Variants in MFSD6L observed in about 807,000 individuals in gnomAD.
The protein encoded by MFSD6L is major facilitator superfamily domain-containing protein 6-like.
In MFSD6L, 9 loss-of-function variants were observed where a neutral mutation model predicts 6.4. That is an observed-to-expected ratio of 1.42 (90% CI 0.85 to 2.47). MFSD6L has a LOEUF of 2.47. MFSD6L is among the 30% of genes most tolerant of loss of function. The pLI, the probability that MFSD6L is intolerant of heterozygous loss-of-function variation, is 0.00. For missense variants in MFSD6L, 747 were observed against 730.6 expected, an observed-to-expected ratio of 1.02 and a Z score of -0.26; for synonymous variants, 336 against 322.4, an observed-to-expected ratio of 1.04 and a Z score of -0.45.
In MFSD6L at chr17:8,797,485, G is replaced by T. The variant is rs1306814110; in HGVS notation, c.1636C>A (p.Pro546Thr). Residue 546 changes from proline to threonine, a missense_variant, in exon 1 of 1, where the codon CCC becomes ACC. Coordinates refer to ENST00000329805, the MANE Select transcript of MFSD6L (RefSeq NM_152599.4). ...ALLLSIQRRLPRERKIKYSKL... is the reference protein window; with the variant it reads ...ALLLSIQRRLTRERKIKYSKL... ...GAGTACTTGATTTTCCGCTCTCGGG[G>T]CAGCCTCCGCTGTATGGACAGGAGC... is the stretch of plus-strand genomic sequence containing the variant. The T allele has an allele frequency of 1.9e-6, 3 of 1,614,078 alleles. No homozygotes were observed. Among genetic ancestry groups the T allele is most frequent in the Non-Finnish European group, 2.5e-6 (3 of 1,179,996 alleles).
At position 8,798,819 on chromosome 17, in the gene MFSD6L, T is replaced by A; in HGVS notation, c.302A>T (p.Asp101Val). 2 of 1,613,990 alleles carry A rather than the reference T, an allele frequency of 1.2e-6. No individual in the cohort carries two copies. The highest frequency in any genetic ancestry group is 1.7e-6 in the Non-Finnish European group (2 of 1,180,002). Residue 101 changes from aspartate (D) to valine (V), a missense_variant, in exon 1 of 1, where the codon GAC (aspartate) becomes GTC (valine). By Grantham distance (152) the Asp-to-Val change is radical. Transcript: ENST00000329805. ...ACAAGGGAAGTGCACCCGATTTTTG[T>A]CTACCGGTGGGACCAGGACCATCAG... ...SLLMVLVPPV[D>V]KNRVHFPCNG...
Position 8,798,297 on chromosome 17 carries a change from A to G in MFSD6L, c.824T>C (p.Leu275Pro). 1 of 1,607,904 alleles carries G rather than the reference A, an allele frequency of 6.2e-7. No homozygotes were observed. The highest frequency in any genetic ancestry group is 8.5e-7 in the Non-Finnish European group (1 of 1,179,992). The part of the protein sequence containing the change: ...QVADDSLYEF[L>P]DFVDATDRYR... ...TCGGTCAGTGGCATCCACAAAATCC[A>G]GGAACTCATAAAGGCTGTCATCTGC... Residue 275 changes from leucine to proline, a missense_variant, in exon 1 of 1, where the codon CTG (leucine) becomes CCG (proline). Coordinates refer to ENST00000329805, the MANE Select transcript of MFSD6L (RefSeq NM_152599.4).
At position 8,798,266 on chromosome 17, in the gene MFSD6L, T is replaced by TC; in HGVS notation, c.854dup (p.Ser286LysfsTer80). ...CCAGCAACCTCCAGACCCACAGGCTTCTGTATCGGTCAGTGGCATCCACAA... is the reference window on the plus strand; with the variant it reads ...CCAGCAACCTCCAGACCCACAGGCTTCCTGTATCGGTCAGTGGCATCCACAA... On this transcript the variant is annotated frameshift_variant, in exon 1 of 1. Transcript: ENST00000329805. LOFTEE classifies it low-confidence loss of function (END_TRUNC). The TC allele has an allele frequency of 1.2e-6, 2 of 1,608,344 alleles. No individual in the cohort carries two copies. Among genetic ancestry groups the TC allele is most frequent in the South Asian group, 2.2e-5 (2 of 91,080 alleles).
Position 8,797,826 on chromosome 17 carries a change from C to A in MFSD6L, c.1295G>T (p.Gly432Val), listed in dbSNP as rs781035690. 1 of 1,614,018 alleles carries A rather than the reference C, an allele frequency of 6.2e-7. No homozygotes were observed. The highest frequency in any genetic ancestry group is 2.2e-5 in the East Asian group (1 of 44,870). Residue 432 changes from glycine to valine, a missense_variant, in exon 1 of 1, where the codon GGC (glycine) becomes GTC (valine). Gly to Val is a moderately radical substitution (Grantham distance 109, BLOSUM62 -3). Coordinates refer to ENST00000329805, the MANE Select transcript of MFSD6L (RefSeq NM_152599.4). ...GCAGCTCAGCCCCAGCCCCACCAGG[C>A]CCGTCCTGGACAGTTTCCTAAGCAA... is the stretch of plus-strand genomic sequence containing the variant. ...ATLLRKLSRTGLVGLGLSCLA... is the reference protein window; with the variant it reads ...ATLLRKLSRTVLVGLGLSCLA...
Position 8,798,745 on chromosome 17 carries a change from G to A in MFSD6L, c.376C>T (p.Leu126=). The A allele has an allele frequency of 1.2e-6, 2 of 1,614,044 alleles. No homozygotes were observed. Among genetic ancestry groups the A allele is most frequent in the Non-Finnish European group, 1.7e-6 (2 of 1,180,036 alleles). Residue 126 remains leucine, a synonymous_variant, in exon 1 of 1, where the codon CTA becomes TTA. Transcript: ENST00000329805. ...TGGGCCGAGGTGATGTTCACAGGTA[G>A]CGTGACCCCCGGGAGTGCGTCTGTG... ...TSTDALPGVT[L]PVNITSAQES...
chr17:8,797,935 G>T lies in MFSD6L; in HGVS notation c.1186C>A (p.His396Asn). The T allele has an allele frequency of 1.2e-6, 2 of 1,613,956 alleles. No homozygotes were observed. Among genetic ancestry groups the T allele is most frequent in the African/African-American group, 1.3e-5 (1 of 74,996 alleles). ...QNFLFWHMKDHGSGELVMGFS... is the reference protein window; with the variant it reads ...QNFLFWHMKDNGSGELVMGFS... ...CCCATGACCAGCTCGCCGCTCCCAT[G>T]GTCCTTCATGTGCCAGAACAGAAAG... The change falls in exon 1 of 1, where the codon CAT (histidine) becomes AAT (asparagine). Residue 396 changes from histidine to asparagine, a missense_variant. By Grantham distance (68) the His-to-Asn change is moderately conservative (BLOSUM62 1). Transcript: ENST00000329805.
Position 8,798,352 on chromosome 17 carries a change from CCCAGAACG to C in MFSD6L, c.761_768del (p.Ala254GlyfsTer13). On this transcript the variant is annotated frameshift_variant, in exon 1 of 1. Coordinates refer to ENST00000329805, the MANE Select transcript of MFSD6L (RefSeq NM_152599.4). LOFTEE classifies it low-confidence loss of function (END_TRUNC). ...TGCTCCAGAGGCGCTGTCAGCAGCT[CCCAGAACG>C]CCACGGACCCCAAGGAGAGGATAAA... is the stretch of plus-strand genomic sequence containing the variant. The C allele has an allele frequency of 6.2e-7, 1 of 1,611,538 alleles. No homozygotes were observed. Among genetic ancestry groups the C allele is most frequent in the Non-Finnish European group, 8.5e-7 (1 of 1,179,984 alleles).
In MFSD6L at chr17:8,798,553, C is replaced by T. The variant is rs957455885; in HGVS notation, c.568G>A (p.Val190Ile). ...GGATGATCTTTCAGCCCCGAAGTGA[C>T]AGGATGGAGGAGAGCTTGGGATGTG... is the stretch of plus-strand genomic sequence containing the variant. ...RTTSQALLHP[V>I]TSGLKDHPWE... The change falls in exon 1 of 1, where the codon GTC becomes ATC. Residue 190 changes from valine (V) to isoleucine (I), a missense_variant. Physicochemically the swap from Val to Ile is conservative, Grantham distance 29 (BLOSUM62 3). Transcript: ENST00000329805. The T allele has an allele frequency of 6.2e-7, 1 of 1,613,996 alleles. No homozygotes were observed. The highest frequency in any genetic ancestry group is 1.7e-5 in the Admixed American group (1 of 60,018).
chr17:8,797,353 A>G lies in MFSD6L; in HGVS notation c.*7T>C, dbSNP rs754970007. 1.3e-6 allele frequency: 2 copies of G among 1,543,092 alleles called. No homozygotes were observed. The highest frequency in any genetic ancestry group is 2.3e-5 in the East Asian group (1 of 44,350). On this transcript the variant is annotated 3_prime_UTR_variant, in exon 1 of 1. Transcript: ENST00000329805. ...TGGATCAGCACACTCTGGATTTCTC[A>G]GCCCTTTCAGTCTGAGTGTTCCTCC... is the stretch of plus-strand genomic sequence containing the variant.
At position 8,797,929 on chromosome 17, in the gene MFSD6L, T is replaced by TCC. The variant is rs2087013738; in HGVS notation, c.1190_1191dup (p.Ser398GlyfsTer42). On this transcript the variant is annotated frameshift_variant, in exon 1 of 1. Transcript: ENST00000329805. LOFTEE classifies it low-confidence loss of function (END_TRUNC). ...GAGAAACCCATGACCAGCTCGCCGC[T>TCC]CCCATGGTCCTTCATGTGCCAGAAC... 6.2e-7 allele frequency: 1 copy of TCC among 1,613,236 alleles called. No individual in the cohort carries two copies. Among genetic ancestry groups the TCC allele is most frequent in the African/African-American group, 1.3e-5 (1 of 74,618 alleles).
chr17:8,799,128 G>T lies in MFSD6L; in HGVS notation c.-8C>A. The stretch of plus-strand genomic sequence containing the variant: ...CCGGGGGTTGGCACTCATGGCTGCC[G>T]GGCTCTGTCAGGCCTGGGCCGACGG... On this transcript the variant is annotated 5_prime_UTR_variant, in exon 1 of 1. Coordinates refer to ENST00000329805, the MANE Select transcript of MFSD6L (RefSeq NM_152599.4). The surrounding 1 kb of genome is among the most constrained non-coding windows in gnomAD (Gnocchi z 5.3). 7.8e-6 allele frequency: 12 copies of T among 1,541,072 alleles called. No individual in the cohort carries two copies. The highest frequency in any genetic ancestry group is 1.0e-5 in the Non-Finnish European group (12 of 1,143,924).
At position 8,799,006 on chromosome 17, in the gene MFSD6L, T is replaced by A. The variant is rs1330930852; in HGVS notation, c.115A>T (p.Arg39Trp). 1 of 1,613,674 alleles carries A rather than the reference T, an allele frequency of 6.2e-7. No homozygotes were observed. The highest frequency in any genetic ancestry group is 8.5e-7 in the Non-Finnish European group (1 of 1,179,976). The change falls in exon 1 of 1, where the codon AGG becomes TGG. Residue 39 changes from arginine (R) to tryptophan (W), a missense_variant. Coordinates refer to ENST00000329805, the MANE Select transcript of MFSD6L (RefSeq NM_152599.4). The surrounding 1 kb of genome is among the most constrained non-coding windows in gnomAD (Gnocchi z 5.3). Reference sequence around the variant, plus strand: ...CAGGGCGCGGCCAAGCCCAGCTGCCTCAGGTAAAGGGTCAGGAACGGGGTC... The same window carrying A: ...CAGGGCGCGGCCAAGCCCAGCTGCCACAGGTAAAGGGTCAGGAACGGGGTC... ...CVTPFLTLYLRQLGLAAPWVG... is the reference protein window; with the variant it reads ...CVTPFLTLYLWQLGLAAPWVG...
Position 8,799,191 on chromosome 17 carries a change from T to G in MFSD6L, c.-71A>C. ...GGCGCAGGGCGGGCGCGGCCCCAGG[T>G]ACCCGGGAGGGAGGCTTGGGGGACC... On this transcript the variant is annotated 5_prime_UTR_variant, in exon 1 of 1. Transcript: ENST00000329805. This position sits in a 1 kb window ranked among gnomAD's most constrained non-coding sequence, Gnocchi z 5.3. 2.2e-6 allele frequency: 3 copies of G among 1,374,514 alleles called. No individual in the cohort carries two copies. The highest frequency in any genetic ancestry group is 2.9e-6 in the Non-Finnish European group (3 of 1,035,118). 85.1% of individuals were successfully genotyped at this position (1,374,514 alleles called of 1,614,324 possible). A position where few individuals can be genotyped will look rare whatever the true frequency, so the allele number is the denominator to read the frequency against.
In MFSD6L at chr17:8,797,705, C is replaced by T; in HGVS notation, c.1416G>A (p.Trp472Ter). The change falls in exon 1 of 1, where the codon TGG becomes TGA. Residue 472 changes from tryptophan to a stop codon, truncating the protein, a stop_gained. Transcript: ENST00000329805. LOFTEE classifies it low-confidence loss of function (END_TRUNC). ...ILSAISNRALWWAVGASVEDL... is the reference protein window; with the variant it reads ...ILSAISNRAL ...CCTCTACTGAGGCCCCCACAGCCCA[C>T]CACAAAGCTCTGTTGCTAATGGCAC... The T allele has an allele frequency of 2.5e-6, 4 of 1,613,882 alleles. No individual in the cohort carries two copies. The highest frequency in any genetic ancestry group is 2.2e-5 in the South Asian group (2 of 91,070).
In MFSD6L at chr17:8,798,920, G is replaced by A. The variant is rs775858363; in HGVS notation, c.201C>T (p.Ala67=). 3 of 1,613,764 alleles carry A rather than the reference G, an allele frequency of 1.9e-6. No homozygotes were observed. The African/African-American group carries it at 4.0e-5, about 22-fold the overall frequency. ...TTTTCCGGTAGCTTTTGGCCAGGAA[G>A]GCACAGACGGGAGCCCAGAAGGCAG... The part of the protein sequence containing the change: ...LIAAFWAPVC[A]FLAKSYRKRR... Residue 67 remains alanine, a synonymous_variant, in exon 1 of 1, where the codon GCC becomes GCT. Transcript: ENST00000329805.
rs757728388 is a variant in MFSD6L, at chr17:8,797,696, C to T, written c.1425G>A (p.Val475=). The change falls in exon 1 of 1, where the codon GTG becomes GTA. Residue 475 remains valine (V), a synonymous_variant. Coordinates refer to ENST00000329805, the MANE Select transcript of MFSD6L (RefSeq NM_152599.4). The stretch of plus-strand genomic sequence containing the variant: ...TGGCCAGGTCCTCTACTGAGGCCCC[C>T]ACAGCCCACCACAAAGCTCTGTTGC... The part of the protein sequence containing the change: ...AISNRALWWA[V]GASVEDLATP... 1 of 1,613,832 alleles carries T rather than the reference C, an allele frequency of 6.2e-7. No homozygotes were observed. The highest frequency in any genetic ancestry group is 2.2e-5 in the East Asian group (1 of 44,884).
At position 8,797,479 on chromosome 17, in the gene MFSD6L, C is replaced by G. The variant is rs144825375; in HGVS notation, c.1642G>C (p.Glu548Gln). The part of the protein sequence containing the change: ...LLSIQRRLPR[E>Q]RKIKYSKLLS... ...AGCTTCGAGTACTTGATTTTCCGCT[C>G]TCGGGGCAGCCTCCGCTGTATGGAC... Residue 548 changes from glutamate to glutamine, a missense_variant, in exon 1 of 1, where the codon GAG becomes CAG. Physicochemically the swap from Glu to Gln is conservative, Grantham distance 29 (BLOSUM62 2). Transcript: ENST00000329805. 4.0e-5 allele frequency: 64 copies of G among 1,614,136 alleles called. No individual in the cohort carries two copies. In the African/African-American group the frequency reaches 8.0e-4, roughly 20 times the overall value.
chr17:8,797,852 T>G lies in MFSD6L; in HGVS notation c.1269A>C (p.Thr423=). 7 of 1,613,716 alleles carry G rather than the reference T, an allele frequency of 4.3e-6. No individual in the cohort carries two copies. The highest frequency in any genetic ancestry group is 5.9e-6 in the Non-Finnish European group (7 of 1,179,930). The part of the protein sequence containing the change: ...GEILLHPFKA[T]LLRKLSRTGL... The stretch of plus-strand genomic sequence containing the variant: ...CCGTCCTGGACAGTTTCCTAAGCAA[T>G]GTAGCTTTGAACGGATGAAGCAGAA... The change falls in exon 1 of 1, where the codon ACA becomes ACC. Residue 423 remains threonine (T), a synonymous_variant. Coordinates refer to ENST00000329805, the MANE Select transcript of MFSD6L (RefSeq NM_152599.4).
At position 8,797,340 on chromosome 17, in the gene MFSD6L, C is replaced by T. The variant is rs376316204; in HGVS notation, c.*20G>A. On this transcript the variant is annotated 3_prime_UTR_variant, in exon 1 of 1. Transcript: ENST00000329805. ...ATTCGTTCCTTGCTGGATCAGCACA[C>T]TCTGGATTTCTCAGCCCTTTCAGTC... The T allele has an allele frequency of 8.9e-5, 137 of 1,538,146 alleles. 2 individuals carry two copies. In the African/African-American group the frequency reaches 1.7e-3, roughly 19 times the overall value.
Sources: allele counts gnomAD v4.1 joint callset, GRCh38; gene constraint gnomAD v4.1.1; non-coding constraint Gnocchi (gnomAD v3.1); transcripts MANE v1.5; gene names NCBI Gene and HGNC (gene_info 2026-07-23, HGNC 2026-07-21).